ATE1: variants seen among roughly 807,000 people sequenced by gnomAD.
ATE1 encodes arginyl-tRNA--protein transferase 1.
A neutral mutation model predicts 70.5 loss-of-function variants in ATE1; 36 were observed. The ratio of observed to expected loss-of-function variants is 0.51; its 90% CI spans 0.39 to 0.67. ATE1 has a LOEUF of 0.67. Ranked by LOEUF, ATE1 falls within the 30% of genes least tolerant of loss-of-function variation. The probability of loss-of-function intolerance (pLI) is 0.00; values close to 1 mark genes in which losing one functional copy is unlikely to be tolerated. For synonymous variants in ATE1, 232 were observed against 219.3 expected, an observed-to-expected ratio of 1.06 and a Z score of -0.51; for missense variants, 593 against 629.5, an observed-to-expected ratio of 0.94 and a Z score of 0.62.
rs1944171497 is a variant in ATE1 at position 121,742,246 on chromosome 10, T to C, written c.*1434A>G. The C allele has an allele frequency of 6.6e-6, 1 of 152,252 alleles. No homozygotes were observed. Among genetic ancestry groups the C allele is most frequent in the South Asian group, 2.1e-4 (1 of 4,834 alleles). 9.4% of individuals were successfully genotyped at this position (152,252 alleles called of 1,614,324 possible). On this transcript the variant is annotated 3_prime_UTR_variant, in exon 12 of 12. Transcript: ENST00000224652. ...GATTTCAGTTTTAAAATCATTGTTT[T>C]ATGATCCTTTTTATTCTAGTTAGCT...
chr10:121,751,882 G>A (rs577864598), intron 11 of ATE1, among the ~76,000 whole-genome samples: 1 of 152,214 alleles, frequency 6.6e-6, no homozygotes, highest in African/African-American at 2.4e-5. Flanking sequence ...ACACTGCCCA[G>A]TGCAAGGTGA....
intron 10 of ATE1, among the ~76,000 whole-genome samples, chr10:121,797,820 G>A (rs746646821): frequency 5.3e-5 from 8 of 152,122 alleles, no homozygotes; most frequent in Non-Finnish European, 7.4e-5. Context: ...TTTGCTCAAC[G>A]TCACATTCTC....
chr10:121,899,871 T>G lies in ATE1; in HGVS notation c.937A>C (p.Ser313Arg). ...ATTACACTTGGCCTGCTGACCTGGC[T>G]TTCGGTTGGCGTATCAGGTGGGTTC... ...HKNPPDTPTE[S>R]QFTRFLCSSP... is the part of the protein sequence containing the mutation. The change falls in exon 7 of 12, where the codon AGC becomes CGC. Residue 313 changes from serine to arginine, a missense_variant. This residue lies in a region of ATE1 where 467 missense variants were observed against 469.6 expected (regional missense o/e 0.99). Coordinates refer to ENST00000224652, the MANE Select transcript of ATE1 (RefSeq NM_001001976.3). 4 of 1,612,312 alleles carry G rather than the reference T, an allele frequency of 2.5e-6. No homozygotes were observed. The highest frequency in any genetic ancestry group is 3.4e-6 in the Non-Finnish European group (4 of 1,178,954).
intron 7 of ATE1, among the ~76,000 whole-genome samples, chr10:121,899,238 T>G (rs554215733): frequency 1.3e-5 from 2 of 152,304 alleles, no homozygotes; most frequent in African/African-American, 4.8e-5. Context: ...CTGCATAAAC[T>G]AGAGTCAATA....
At chr10:121,755,093 G>T (rs1040151310) in intron 11 of ATE1, among the ~76,000 whole-genome samples, 3 of 152,176 alleles carry the variant, frequency 2.0e-5, no homozygotes, top group Non-Finnish European at 4.4e-5. Context: ...ATGTAACACA[G>T]GATCCTCACT....
chr10:121,919,782 C>T (rs975987918), intron 3 of ATE1, among the ~76,000 whole-genome samples: 11 of 151,786 alleles, frequency 7.2e-5, no homozygotes, highest in Non-Finnish European at 1.0e-4. Context: ...TCTGTAGTCC[C>T]GGATACTCAG....
intron 10 of ATE1, among the ~76,000 whole-genome samples, chr10:121,835,061 T>C (rs1357295045): frequency 1.3e-5 from 2 of 152,192 alleles, no homozygotes; most frequent in African/African-American, 2.4e-5. Flanking sequence ...AGTAAAAACG[T>C]AAGCAAATCA....
chr10:121,786,646 A>AC (rs951198886), intron 11 of ATE1, among the ~76,000 whole-genome samples: 1 of 151,718 alleles, frequency 6.6e-6, no homozygotes, highest in Non-Finnish European at 1.5e-5. Flanking sequence ...CCTCAAAAAA[A>AC]AAAAAAATCT....
At chr10:121,748,130 C>G (rs1212238922) in intron 11 of ATE1, among the ~76,000 whole-genome samples, 1 of 152,140 alleles carries the variant, frequency 6.6e-6, no homozygotes, top group Non-Finnish European at 1.5e-5. Context: ...TATATTTATA[C>G]AGAATGATGC....
intron 5 of ATE1, among the ~76,000 whole-genome samples, chr10:121,907,540 C>A (rs921287796): frequency 1.3e-5 from 2 of 151,844 alleles, no homozygotes; most frequent in African/African-American, 2.4e-5. Flanking sequence ...TTTGGGAGGC[C>A]GAGGCGGATG....
intron 8 of ATE1, among the ~76,000 whole-genome samples, chr10:121,849,419 A>G (rs570359380): frequency 1.3e-5 from 2 of 152,238 alleles, no homozygotes; most frequent in Non-Finnish European, 2.9e-5. Context: ...CAGTTACTTC[A>G]TAGGTTTGTT....
chr10:121,851,308 T>A (rs540376136), intron 8 of ATE1, among the ~76,000 whole-genome samples: 1 of 152,082 alleles, frequency 6.6e-6, no homozygotes, highest in African/African-American at 2.4e-5. Context: ...TACTCCCAGC[T>A]ACTCTGGATG....
At chr10:121,790,396 A>G in intron 10 of ATE1, 107 bp from the exon 11 acceptor site, 12 of 1,386,260 alleles carry the variant, frequency 8.7e-6, no homozygotes, top group East Asian at 2.5e-5. Flanking sequence ...TTAAAAGTCA[A>G]CCAGAAACTG....
rs11200129 is a variant in ATE1 at position 121,749,618 on chromosome 10, C to T, written c.1379-5760G>A. On this transcript the variant is annotated intron_variant, in intron 11 of 11. Coordinates refer to ENST00000224652, the MANE Select transcript of ATE1 (RefSeq NM_001001976.3). ...CAATTAATTAATGAATATTCAATAA[C>T]GACATTAATTTTTAATTTTACATCA... Among the ~76,000 whole-genome samples the T allele has an allele frequency of 0.019, 2,920 of 152,258 alleles. 157 individuals carry two copies. In the East Asian group the frequency reaches 0.22, roughly 12 times the overall value.
At chr10:121,857,981 AT>A (rs1393849787) in intron 8 of ATE1, among the ~76,000 whole-genome samples, 1 of 152,158 alleles carries the variant, frequency 6.6e-6, no homozygotes, top group Non-Finnish European at 1.5e-5. Flanking sequence ...ACTTAGCATA[AT>A]ATTGTAAAGG....
intron 7 of ATE1, among the ~76,000 whole-genome samples, chr10:121,896,408 G>T (rs1478466719): frequency 6.6e-6 from 1 of 152,188 alleles, no homozygotes; most frequent in Non-Finnish European, 1.5e-5. Flanking sequence ...AACAAGAATG[G>T]CAGCATGTTG....
intron 3 of ATE1, among the ~76,000 whole-genome samples, chr10:121,915,342 C>A (rs989255645): frequency 6.6e-6 from 1 of 150,930 alleles, no homozygotes; most frequent in African/African-American, 2.4e-5. Flanking sequence ...GAAGATTCTG[C>A]AAAAAAGATG....
At chr10:121,770,227 G>T (rs906766057) in intron 11 of ATE1, among the ~76,000 whole-genome samples, 5 of 75,832 alleles carry the variant, frequency 6.6e-5, no homozygotes, top group African/African-American at 2.6e-4. Context: ...AGAAAGACAA[G>T]AGAGAAACAC....
chr10:121,755,407 T>A (rs1944757550), intron 11 of ATE1, among the ~76,000 whole-genome samples: 1 of 152,212 alleles, frequency 6.6e-6, no homozygotes, highest in African/African-American at 2.4e-5. Context: ...GAAAAAGTGA[T>A]AAGGCAAATG....
Sources: allele counts gnomAD v4.1 joint callset (sites outside exome capture counted in the v4.1 genomes callset), GRCh38; gene constraint gnomAD v4.1.1; regional missense constraint gnomAD v4.1.1; transcripts MANE v1.5; gene names NCBI Gene and HGNC (gene_info 2026-07-23, HGNC 2026-07-21).